Variants in RAB30 observed in about 807,000 individuals in gnomAD.
RAB30 encodes the protein RAB30, member RAS oncogene family, also known as ras-related protein Rab-30.
Under a neutral mutation model 25.1 loss-of-function variants are expected in RAB30, and 9 were observed. The observed-to-expected ratio is 0.36, with a 90% CI of 0.22 to 0.63. The LOEUF (loss-of-function observed/expected upper bound fraction) is 0.63. Ranked by LOEUF, RAB30 falls within the 20% of genes least tolerant of loss-of-function variation. The pLI, the probability that RAB30 is intolerant of heterozygous loss-of-function variation, is 0.69. For missense variants in RAB30, 140 were observed against 243.5 expected (o/e 0.58, Z 2.83); for synonymous variants, 77 against 86.4 (o/e 0.89, Z 0.60).
chr11:83,062,249 T>G (rs1043932226), intron 1 of RAB30, among the ~76,000 whole-genome samples: 29 of 152,336 alleles, frequency 1.9e-4, no homozygotes, highest in Middle Eastern at 3.4e-3. Context: ...TGGTTCCTCA[T>G]TTGTATGTAA....
intron 1 of RAB30, among the ~76,000 whole-genome samples, chr11:83,044,694 A>G (rs1858199595): frequency 6.6e-6 from 1 of 152,246 alleles, no homozygotes; most frequent in Non-Finnish European, 1.5e-5. Flanking sequence ...CTCGTTCATC[A>G]GAACTGAAAA....
At chr11:83,044,837 T>A (rs1194388312) in intron 1 of RAB30, among the ~76,000 whole-genome samples, 6 of 152,188 alleles carry the variant, frequency 3.9e-5, no homozygotes, top group Non-Finnish European at 8.8e-5. Flanking sequence ...TTTGAAACTA[T>A]AGCTTTAAAT....
chr11:82,989,468 G>C (rs1204478245), intron 3 of RAB30, among the ~76,000 whole-genome samples: 1 of 152,188 alleles, frequency 6.6e-6, no homozygotes, highest in Non-Finnish European at 1.5e-5. Flanking sequence ...GTATGCTAAA[G>C]GCCACTGTAC....
chr11:82,990,257 C>A (rs943417355), intron 3 of RAB30, among the ~76,000 whole-genome samples: 1 of 152,234 alleles, frequency 6.6e-6, no homozygotes, highest in Non-Finnish European at 1.5e-5. Flanking sequence ...CTACTGAGTT[C>A]TTTGAGAGCA....
chr11:82,999,282 A>G (rs556911473), intron 1 of RAB30, among the ~76,000 whole-genome samples: 7 of 152,340 alleles, frequency 4.6e-5, no homozygotes, highest in African/African-American at 1.7e-4. Context: ...GAAATCATAA[A>G]GCTAAGCACC....
chr11:83,019,025 T>G (rs1310514034), intron 1 of RAB30, among the ~76,000 whole-genome samples: 1 of 152,224 alleles, frequency 6.6e-6, no homozygotes, highest in African/African-American at 2.4e-5. Context: ...TTTTTTGTGC[T>G]TTTTGTTTTG....
chr11:82,991,650 C>T (rs1316544416), intron 3 of RAB30, among the ~76,000 whole-genome samples: 1 of 152,130 alleles, frequency 6.6e-6, no homozygotes, highest in Admixed American at 6.5e-5. Context: ...GAGGGCCACC[C>T]TGTATCTTTA....
intron 1 of RAB30, among the ~76,000 whole-genome samples, chr11:83,058,887 T>G (rs762109308): frequency 2.0e-5 from 3 of 152,204 alleles, no homozygotes; most frequent in Non-Finnish European, 2.9e-5. Flanking sequence ...CTCTCACACT[T>G]GGGATCTTTT....
chr11:83,050,569 T>A (rs917332038), intron 1 of RAB30, among the ~76,000 whole-genome samples: 2 of 152,184 alleles, frequency 1.3e-5, no homozygotes, highest in African/African-American at 4.8e-5. Context: ...CTGCAAGTAT[T>A]TTTTAAATGG....
At chr11:83,023,431 T>C (rs1057159539) in intron 1 of RAB30, among the ~76,000 whole-genome samples, 6 of 152,090 alleles carry the variant, frequency 3.9e-5, no homozygotes, top group African/African-American at 1.4e-4. Flanking sequence ...AGCCTGAGGG[T>C]TGTACTTGAC....
chr11:83,060,814 G>C (rs1180162487), intron 1 of RAB30, among the ~76,000 whole-genome samples: 1 of 152,198 alleles, frequency 6.6e-6, no homozygotes, highest in East Asian at 1.9e-4. Flanking sequence ...AGATAAGCAT[G>C]TCTCAGTGGA....
At chr11:82,984,037 G>C (rs1218646742) in intron 4 of RAB30, among the ~76,000 whole-genome samples, 3 of 152,260 alleles carry the variant, frequency 2.0e-5, no homozygotes, top group East Asian at 1.9e-4. Flanking sequence ...ATTATAAATA[G>C]AAGTATCAGT....
At chr11:83,013,526 A>G in intron 1 of RAB30, among the ~76,000 whole-genome samples, 1 of 152,236 alleles carries the variant, frequency 6.6e-6, no homozygotes, top group East Asian at 1.9e-4. Flanking sequence ...CAAAAGAAAA[A>G]CTGATCAGTA....
chr11:82,984,719 G>A (rs766439461), intron 4 of RAB30, among the ~76,000 whole-genome samples: 7 of 152,174 alleles, frequency 4.6e-5, no homozygotes, highest in South Asian at 2.1e-4. Flanking sequence ...CTAACACCTC[G>A]GTTGTGGCCT....
chr11:83,067,992 G>A (rs777236749), intron 1 of RAB30, among the ~76,000 whole-genome samples: 21 of 152,034 alleles, frequency 1.4e-4, no homozygotes, highest in Non-Finnish European at 2.1e-4. Context: ...GCTGGGAGTG[G>A]TGGGTGCCTG....
At chr11:83,032,045 G>C (rs1252430711) in intron 1 of RAB30, among the ~76,000 whole-genome samples, 1 of 152,152 alleles carries the variant, frequency 6.6e-6, no homozygotes, top group African/African-American at 2.4e-5. Flanking sequence ...ACTGGAAGTA[G>C]AAAAGACAGA....
chr11:83,059,743 G>T (rs551250254), intron 1 of RAB30, among the ~76,000 whole-genome samples: 13 of 152,282 alleles, frequency 8.5e-5, no homozygotes, highest in African/African-American at 3.1e-4. Context: ...TTATCAGATT[G>T]CTTTTGGGGC....
chr11:83,014,697 AAAGG>A (rs71463143), intron 1 of RAB30, among the ~76,000 whole-genome samples: 4 of 150,020 alleles, frequency 2.7e-5, no homozygotes, highest in East Asian at 1.9e-4. Flanking sequence ...AAAGAAAGAG[AAAGG>A]AAGGAAGGAA....
At chr11:83,004,842 C>T (rs1469338288) in intron 1 of RAB30, among the ~76,000 whole-genome samples, 1 of 152,088 alleles carries the variant, frequency 6.6e-6, no homozygotes, top group East Asian at 1.9e-4. Flanking sequence ...TAAGTGTACA[C>T]TGAATTGAAA....
Sources: allele counts gnomAD v4.1 joint callset (sites outside exome capture counted in the v4.1 genomes callset), GRCh38; gene constraint gnomAD v4.1.1; transcripts MANE v1.5; gene names NCBI Gene and HGNC (gene_info 2026-07-23, HGNC 2026-07-21).